The following NPAS2 variants were observed in gnomAD, a reference collection of about 807,000 sequenced individuals.
The protein encoded by NPAS2 is neuronal PAS domain protein 2, also known as neuronal PAS domain-containing protein 2.
A neutral mutation model predicts 107.5 loss-of-function variants in NPAS2; 23 were observed. That is an observed-to-expected ratio of 0.21 (90% CI 0.15 to 0.30). NPAS2 has a LOEUF of 0.30. Ranked by LOEUF, NPAS2 falls within the 10% of genes least tolerant of loss-of-function variation. NPAS2 has a pLI of 1.00. For missense variants in NPAS2, 756 were observed against 1,043.3 expected (o/e 0.72, Z 3.79); for synonymous variants, 403 against 417.5 (o/e 0.97, Z 0.42).
intron 7 of NPAS2, among the ~76,000 whole-genome samples, chr2:100,959,089 C>CAAAAAAA (rs758460503): frequency 6.3e-5 from 3 of 47,662 alleles, no homozygotes; most frequent in Non-Finnish European, 4.0e-5. Flanking sequence ...CCCATCTCTT[C>CAAAAAAA]AAAAAAAAAA....
chr2:100,949,353 C>T lies in NPAS2; in HGVS notation c.485-14C>T, dbSNP rs757189878. 3 of 1,535,668 alleles carry T rather than the reference C, an allele frequency of 2.0e-6. No individual in the cohort carries two copies. The South Asian group carries it at 3.4e-5, about 17-fold the overall frequency. On this transcript the variant is annotated splice_polypyrimidine_tract_variant and intron_variant, in intron 6 of 20. Coordinates refer to ENST00000335681, the MANE Select transcript of NPAS2 (RefSeq NM_002518.4). ...ACGACCCCTTTCTCTCCTCTTCTTC[C>T]TTTAACGGCCCAGCTGACAGCGATT...
intron 19 of NPAS2, among the ~76,000 whole-genome samples, chr2:100,992,483 G>A (rs1394938989): frequency 1.3e-5 from 2 of 152,058 alleles, no homozygotes; most frequent in African/African-American, 2.4e-5. Context: ...CATGGGTGGG[G>A]ACTTCCCCCT....
chr2:100,837,480 G>T (rs945469244), intron 1 of NPAS2, among the ~76,000 whole-genome samples: 6 of 151,952 alleles, frequency 3.9e-5, no homozygotes, highest in African/African-American at 1.2e-4. Context: ...AGTAGAGACG[G>T]TTTTGTATTT....
At chr2:100,914,995 C>G (rs1054954221) in intron 2 of NPAS2, among the ~76,000 whole-genome samples, 3 of 152,308 alleles carry the variant, frequency 2.0e-5, no homozygotes, top group Admixed American at 1.3e-4. Flanking sequence ...CCTCTGCTGA[C>G]AGAGAGAGGA....
In NPAS2 at chr2:100,942,214, CA is replaced by C. The variant is rs566979961; in HGVS notation, c.363+4373del. On this transcript the variant is annotated intron_variant, in intron 5 of 20. Transcript: ENST00000335681. Reference sequence around the variant, plus strand: ...CCCCAGCGAGAAGAAAATACAAGACCAGAATGGGATATGGAGCCAAGTTCCT... The same window carrying C: ...CCCCAGCGAGAAGAAAATACAAGACCGAATGGGATATGGAGCCAAGTTCCT... 2.7e-3 allele frequency among the ~76,000 whole-genome samples: 412 copies of C among 152,206 alleles called. 3 individuals carry two copies. The highest frequency in any genetic ancestry group is 9.6e-3 in the African/African-American group (398 of 41,526).
intron 2 of NPAS2, among the ~76,000 whole-genome samples, chr2:100,913,901 G>A (rs1418414528): frequency 2.0e-5 from 3 of 152,168 alleles, no homozygotes; most frequent in Non-Finnish European, 2.9e-5. Flanking sequence ...AGCAGGATGG[G>A]AAATGAGCAT....
intron 2 of NPAS2, among the ~76,000 whole-genome samples, chr2:100,909,863 G>A (rs971474602): frequency 3.3e-5 from 5 of 152,124 alleles, no homozygotes; most frequent in Non-Finnish European, 5.9e-5. Flanking sequence ...AAAACAAAGG[G>A]GAAAGTAGAA....
intron 1 of NPAS2, among the ~76,000 whole-genome samples, chr2:100,876,302 C>T (rs1292602760): frequency 6.6e-6 from 1 of 152,190 alleles, no homozygotes; most frequent in Non-Finnish European, 1.5e-5. Flanking sequence ...TTTGTGGGGC[C>T]AGAACGCATT....
intron 1 of NPAS2, among the ~76,000 whole-genome samples, chr2:100,870,396 C>T (rs961648897): frequency 3.3e-5 from 5 of 151,592 alleles, no homozygotes; most frequent in African/African-American, 1.2e-4. Flanking sequence ...TAGTTCTCAC[C>T]CCACCCCTCA....
intron 1 of NPAS2, among the ~76,000 whole-genome samples, chr2:100,891,598 CACAAGTG>C (rs1230893139): frequency 6.6e-6 from 1 of 152,248 alleles, no homozygotes; most frequent in Non-Finnish European, 1.5e-5. Flanking sequence ...AAGGCCACCA[CACAAGTG>C]AAGGCAAGAG....
At position 100,948,303 on chromosome 2, in the gene NPAS2, C is replaced by T; in HGVS notation, c.432C>T (p.Ile144=). The change falls in exon 6 of 21, where the codon ATC becomes ATT. Residue 144 remains isoleucine, a synonymous_variant. Transcript: ENST00000335681. The stretch of plus-strand genomic sequence containing the variant: ...AAGAACATTCAGAAGTTTATAAAAT[C>T]CTTTCTTCCCATATGCTTGTGACGG... ...PEQEHSEVYK[I]LSSHMLVTDS... 1.2e-6 allele frequency: 2 copies of T among 1,613,016 alleles called. No homozygotes were observed. The highest frequency in any genetic ancestry group is 8.5e-7 in the Non-Finnish European group (1 of 1,179,548).
chr2:100,956,859 G>A (rs566529418), intron 7 of NPAS2, among the ~76,000 whole-genome samples: 61 of 152,324 alleles, frequency 4.0e-4, no homozygotes, highest in African/African-American at 1.4e-3. Context: ...GGCTGAGTTC[G>A]TAGGAATTTG....
chr2:100,840,880 G>A (rs957892880), intron 1 of NPAS2, among the ~76,000 whole-genome samples: 24 of 152,092 alleles, frequency 1.6e-4, no homozygotes, highest in African/African-American at 4.3e-4. Flanking sequence ...AAATAAGCAC[G>A]AGGAAGTCTA....
At chr2:100,913,712 G>A (rs1682697356) in intron 2 of NPAS2, among the ~76,000 whole-genome samples, 1 of 152,114 alleles carries the variant, frequency 6.6e-6, no homozygotes, top group Admixed American at 6.5e-5. Context: ...CGATTCAATG[G>A]TTTTTAATTT....
At chr2:100,860,560 G>C (rs951548928) in intron 1 of NPAS2, among the ~76,000 whole-genome samples, 1 of 152,184 alleles carries the variant, frequency 6.6e-6, no homozygotes, top group Non-Finnish European at 1.5e-5. Flanking sequence ...TTGCCAAATG[G>C]TAAGTTTCTA....
At chr2:100,882,358 C>T (rs1207907247) in intron 1 of NPAS2, among the ~76,000 whole-genome samples, 1 of 152,174 alleles carries the variant, frequency 6.6e-6, no homozygotes, top group Non-Finnish European at 1.5e-5. Context: ...GCCTGTAATC[C>T]CAGCACTTTG....
intron 1 of NPAS2, among the ~76,000 whole-genome samples, chr2:100,881,126 C>A (rs1558835475): frequency 6.6e-6 from 1 of 152,186 alleles, no homozygotes; most frequent in Non-Finnish European, 1.5e-5. Flanking sequence ...CGGACAAAGG[C>A]CCCTGGTGTC....
At position 100,988,180 on chromosome 2, in the gene NPAS2, C is replaced by T. The variant is rs1181256567; in HGVS notation, c.1731C>T (p.Pro577=). The change falls in exon 17 of 21, where the codon CCC becomes CCT. Residue 577 remains proline, a synonymous_variant. Transcript: ENST00000335681. ...AAAGGTCAGCTGCAGTGACTCAGCC[C>T]CAGCTCGGGGCGGGCCCCCAACTTC... ...LQQRSAAVTQ[P]QLGAGPQLPG... The T allele has an allele frequency of 6.2e-7, 1 of 1,614,198 alleles. No homozygotes were observed. Among genetic ancestry groups the T allele is most frequent in the African/African-American group, 1.3e-5 (1 of 75,058 alleles).
At chr2:100,941,808 A>C (rs1198445224) in intron 5 of NPAS2, among the ~76,000 whole-genome samples, 1 of 152,132 alleles carries the variant, frequency 6.6e-6, no homozygotes, top group African/African-American at 2.4e-5. Flanking sequence ...GACCAAAAGT[A>C]GGCATAATCT....
Sources: gnomAD v4.1 joint callset for allele counts (sites outside exome capture counted in the v4.1 genomes callset) on GRCh38, gnomAD v4.1.1 for gene constraint, MANE v1.5 for transcripts, NCBI Gene and HGNC (gene_info 2026-07-23, HGNC 2026-07-21) for gene names.